The following SH3BGRL variants were observed in gnomAD, a reference collection of about 807,000 sequenced individuals.
The protein encoded by SH3BGRL is adapter SH3BGRL.
In SH3BGRL, 7 loss-of-function variants were observed where a neutral mutation model predicts 9.8. The observed-to-expected ratio is 0.72, with a 90% confidence interval of 0.41 to 1.35. SH3BGRL has a LOEUF of 1.35. Among genes scored for constraint, SH3BGRL ranks in the 40% most tolerant of loss-of-function variants. The probability of loss-of-function intolerance (pLI) is 0.01; values close to 1 mark genes in which losing one functional copy is unlikely to be tolerated. For missense variants in SH3BGRL, 73 were observed against 84.4 expected (o/e 0.86, Z 0.53); for synonymous variants, 36 against 29.1 (o/e 1.24, Z -0.76).
At chrX:81,272,240 C>A (rs1211861700) in intron 1 of SH3BGRL, among the ~76,000 whole-genome samples, 3 of 106,712 alleles carry the variant, frequency 2.8e-5, no homozygotes, top group African/African-American at 1.0e-4. Context: ...TAGGTCGTGG[C>A]AGTATTCATT....
chrX:81,243,456 A>G (rs1288116505), intron 1 of SH3BGRL, among the ~76,000 whole-genome samples: 1 of 111,972 alleles, frequency 8.9e-6, no homozygotes, highest in Non-Finnish European at 1.9e-5. Flanking sequence ...GAAAGAATGA[A>G]TAAGACCTAC....
chrX:81,292,136 C>T (rs1569372183), intron 3 of SH3BGRL, among the ~76,000 whole-genome samples: 1 of 111,756 alleles, frequency 8.9e-6, no homozygotes, highest in Non-Finnish European at 1.9e-5. Flanking sequence ...GGGCTCCAAC[C>T]CCACATTTTC....
At chrX:81,279,789 C>G (rs745628553) in intron 3 of SH3BGRL, among the ~76,000 whole-genome samples, 1 of 111,299 alleles carries the variant, frequency 9.0e-6, no homozygotes, top group Non-Finnish European at 1.9e-5. Flanking sequence ...AAGGAATTCT[C>G]TAGCCAAATT....
At chrX:81,260,333 T>C (rs1170429434) in intron 1 of SH3BGRL, among the ~76,000 whole-genome samples, 1 of 111,285 alleles carries the variant, frequency 9.0e-6, no homozygotes, top group Non-Finnish European at 1.9e-5. Flanking sequence ...CATCTGAGCA[T>C]TTGTCTCTTT....
At chrX:81,202,542 T>C in intron 1 of SH3BGRL, 1 of 880,609 alleles carries the variant, frequency 1.1e-6, no homozygotes, top group Admixed American at 6.2e-5. Context: ...ATACGGTCTT[T>C]AGGGTTACGT....
intron 1 of SH3BGRL, among the ~76,000 whole-genome samples, chrX:81,204,994 T>G (rs919762762): frequency 1.7e-4 from 19 of 112,604 alleles, no homozygotes; most frequent in African/African-American, 6.1e-4. Context: ...TTTTGATACA[T>G]GCACACAATG....
intron 3 of SH3BGRL, among the ~76,000 whole-genome samples, chrX:81,283,003 C>A (rs1043114175): frequency 1.8e-5 from 2 of 112,041 alleles, no homozygotes; most frequent in African/African-American, 6.5e-5. Flanking sequence ...ACTGACACCA[C>A]TGAAATACAT....
At chrX:81,266,057 C>G (rs1201997753) in intron 1 of SH3BGRL, among the ~76,000 whole-genome samples, 1 of 111,352 alleles carries the variant, frequency 9.0e-6, no homozygotes, top group Non-Finnish European at 1.9e-5. Context: ...TTGCTTTTTT[C>G]TTGTAAATTT....
chrX:81,220,652 T>G (rs747254744), intron 1 of SH3BGRL, among the ~76,000 whole-genome samples: 2 of 110,649 alleles, frequency 1.8e-5, no homozygotes, highest in South Asian at 7.6e-4. Flanking sequence ...TATTTTCTTC[T>G]AAGTTTGGGT....
intron 1 of SH3BGRL, among the ~76,000 whole-genome samples, chrX:81,229,239 A>G (rs943934705): frequency 9.0e-6 from 1 of 111,035 alleles, no homozygotes; most frequent in Admixed American, 9.5e-5. Context: ...TGGGGGGAGC[A>G]TGCATATGGG....
chrX:81,251,323 T>A (rs538711545), intron 1 of SH3BGRL, among the ~76,000 whole-genome samples: 1 of 112,276 alleles, frequency 8.9e-6, no homozygotes, highest in South Asian at 3.6e-4. Flanking sequence ...TGTTTATTAG[T>A]TTAAAGCCAC....
At chrX:81,247,263 T>G (rs12389454) in intron 1 of SH3BGRL, among the ~76,000 whole-genome samples, 1 of 111,221 alleles carries the variant, frequency 9.0e-6, no homozygotes, top group Non-Finnish European at 1.9e-5. Context: ...TGATGAGAGA[T>G]AATTTGACTT....
In SH3BGRL at chrX:81,206,900, GT is replaced by G. The variant is rs769861494; in HGVS notation, c.45+4656del. Among the ~76,000 whole-genome samples the G allele has an allele frequency of 6.2e-5, 7 of 112,257 alleles. No individual in the cohort carries two copies. The East Asian group carries it at 8.4e-4, about 13-fold the overall frequency. On this transcript the variant is annotated intron_variant, in intron 1 of 3. Coordinates refer to ENST00000373212, the MANE Select transcript of SH3BGRL (RefSeq NM_003022.3). ...TTAACAAGAATGCAGCTTCCAAGTA[GT>G]CTGTCTATATGAAGTGATTTCTGCC... is the stretch of plus-strand genomic sequence containing the variant.
intron 1 of SH3BGRL, among the ~76,000 whole-genome samples, chrX:81,245,467 T>C (rs1473872939): frequency 8.9e-6 from 1 of 112,188 alleles, no homozygotes; most frequent in Non-Finnish European, 1.9e-5. Flanking sequence ...GAGCTTGCTT[T>C]TATGTAATAA....
chrX:81,243,639 T>C (rs1193338937), intron 1 of SH3BGRL, among the ~76,000 whole-genome samples: 1 of 111,457 alleles, frequency 9.0e-6, no homozygotes, highest in Non-Finnish European at 1.9e-5. Context: ...GATGTGCTTA[T>C]TAACATTGCA....
intron 1 of SH3BGRL, among the ~76,000 whole-genome samples, chrX:81,211,894 A>G (rs989957148): frequency 1.8e-5 from 2 of 111,371 alleles, no homozygotes; most frequent in Admixed American, 1.9e-4. Context: ...ATATGTATAT[A>G]CACACATATA....
At chrX:81,265,118 G>T (rs967784001) in intron 1 of SH3BGRL, among the ~76,000 whole-genome samples, 2 of 105,691 alleles carry the variant, frequency 1.9e-5, no homozygotes, top group Non-Finnish European at 3.9e-5. Context: ...TTGAAATTAT[G>T]TAAGCCTTAA....
intron 1 of SH3BGRL, among the ~76,000 whole-genome samples, chrX:81,238,482 G>A (rs1326269257): frequency 8.9e-6 from 1 of 111,997 alleles, no homozygotes; most frequent in Non-Finnish European, 1.9e-5. Context: ...CAGTATAATA[G>A]AACACCAGGT....
chrX:81,223,268 G>A (rs1041114974), intron 1 of SH3BGRL, among the ~76,000 whole-genome samples: 15 of 111,671 alleles, frequency 1.3e-4, no homozygotes, highest in Non-Finnish European at 2.1e-4. Context: ...GTCCTGAATG[G>A]TATTGCCTAG....
Sources: allele counts gnomAD v4.1 joint callset (sites outside exome capture counted in the v4.1 genomes callset), GRCh38; gene constraint gnomAD v4.1.1; transcripts MANE v1.5; gene names NCBI Gene and HGNC (gene_info 2026-07-23, HGNC 2026-07-21).